PPP1R12A: variants seen among roughly 807,000 people sequenced by gnomAD.
The protein encoded by PPP1R12A is myosin binding subunit.
Under a neutral mutation model 139.6 loss-of-function variants are expected in PPP1R12A, and 19 were observed. That is an observed-to-expected ratio of 0.14 (90% CI 0.09 to 0.20). The LOEUF is 0.20. PPP1R12A is among the 10% of genes least tolerant of loss of function. The pLI is 1.00. For missense variants in PPP1R12A, 925 were observed against 1,211.5 expected, an observed-to-expected ratio of 0.76 and a Z score of 3.51; for synonymous variants, 427 against 420.6, an observed-to-expected ratio of 1.02 and a Z score of -0.19.
At chr12:79,850,699 G>A (rs1032077145) in intron 2 of PPP1R12A, among the ~76,000 whole-genome samples, 1 of 152,118 alleles carries the variant, frequency 6.6e-6, no homozygotes, top group Non-Finnish European at 1.5e-5. Context: ...TGCAGCTGGG[G>A]CCTGGTGGGA....
At position 79,894,121 on chromosome 12, in the gene PPP1R12A, A is replaced by C. The variant is rs1414216736; in HGVS notation, c.238-21183T>G. Among the ~76,000 whole-genome samples the C allele has an allele frequency of 2.6e-5, 4 of 152,312 alleles. No homozygotes were observed. In the East Asian group the frequency reaches 7.7e-4, roughly 29 times the overall value. ...CTAACCCCTCTCTACCTTTATAGTG[A>C]CATAACATAATGAGACTGCTTTTAA... is the stretch of plus-strand genomic sequence containing the variant. On this transcript the variant is annotated intron_variant, in intron 1 of 24. Coordinates refer to ENST00000450142, the MANE Select transcript of PPP1R12A (RefSeq NM_002480.3).
chr12:79,810,372 T>A (rs1565752350), intron 9 of PPP1R12A, among the ~76,000 whole-genome samples: 1 of 152,182 alleles, frequency 6.6e-6, no homozygotes, highest in Admixed American at 6.5e-5. Flanking sequence ...TAATATAAAT[T>A]CTTGCACATA....
chr12:79,925,407 C>A (rs1332303160), intron 1 of PPP1R12A, among the ~76,000 whole-genome samples: 1 of 152,088 alleles, frequency 6.6e-6, no homozygotes, highest in Non-Finnish European at 1.5e-5. Context: ...GAGCTTTGTA[C>A]AATCTTATGA....
chr12:79,875,991 C>G (rs1883064720), intron 1 of PPP1R12A, among the ~76,000 whole-genome samples: 1 of 152,136 alleles, frequency 6.6e-6, no homozygotes, highest in African/African-American at 2.4e-5. Context: ...AACAAAAGAG[C>G]TTCTTAAATG....
chr12:79,864,701 C>T (rs1365676917), intron 2 of PPP1R12A, among the ~76,000 whole-genome samples: 1 of 152,128 alleles, frequency 6.6e-6, no homozygotes, highest in African/African-American at 2.4e-5. Flanking sequence ...CACTTCTATG[C>T]AAATAAACTA....
At chr12:79,795,788 T>G in intron 17 of PPP1R12A, 29 bp from the exon 18 acceptor site, 1 of 1,594,094 alleles carries the variant, frequency 6.3e-7, no homozygotes, top group Non-Finnish European at 8.5e-7. Flanking sequence ...AACCACAATA[T>G]AGCAATATAT....
chr12:79,887,258 T>C (rs1318829126), intron 1 of PPP1R12A, among the ~76,000 whole-genome samples: 1 of 152,174 alleles, frequency 6.6e-6, no homozygotes, highest in Non-Finnish European at 1.5e-5. Context: ...CTGTATTAAG[T>C]ACTGTGTAAG....
chr12:79,849,938 C>T, intron 2 of PPP1R12A, among the ~76,000 whole-genome samples: 1 of 151,956 alleles, frequency 6.6e-6, no homozygotes, highest in East Asian at 1.9e-4. Flanking sequence ...TCCTAACTGC[C>T]TCGGCCTCCC....
chr12:79,883,504 G>A (rs1356442038), intron 1 of PPP1R12A, among the ~76,000 whole-genome samples: 1 of 152,104 alleles, frequency 6.6e-6, no homozygotes, highest in Non-Finnish European at 1.5e-5. Flanking sequence ...GAGTTAAGAT[G>A]CAGGAAGAAG....
rs1491223889 is a variant in PPP1R12A at position 79,890,889 on chromosome 12, ACC to A, written c.238-17953_238-17952del. ...GAAACCTCAAGAATACACACACACC[ACC>A]CACCCACACCCACCCACACACACAC... On this transcript the variant is annotated intron_variant, in intron 1 of 24. Coordinates refer to ENST00000450142, the MANE Select transcript of PPP1R12A (RefSeq NM_002480.3). Among the ~76,000 whole-genome samples, 297 of 92,562 alleles carry A rather than the reference ACC, an allele frequency of 3.2e-3. 1 individual carries two copies. Among genetic ancestry groups the A allele is most frequent in the South Asian group, 0.017 (47 of 2,738 alleles). The allele number at this position is 92,562 out of a possible 152,430, so 60.7% of individuals were successfully genotyped here. A position where few individuals can be genotyped will look rare whatever the true frequency, so the allele number is the denominator to read the frequency against.
At chr12:79,932,169 A>G (rs571823502) in intron 1 of PPP1R12A, among the ~76,000 whole-genome samples, 4 of 152,340 alleles carry the variant, frequency 2.6e-5, no homozygotes, top group Admixed American at 2.6e-4. Flanking sequence ...TTGAGAGGTT[A>G]AAGTTTTAAA....
intron 11 of PPP1R12A, 83 bp from the exon 12 acceptor site, chr12:79,807,413 A>G: frequency 1.2e-6 from 1 of 821,422 alleles, no homozygotes; most frequent in South Asian, 1.6e-5. Context: ...ATATTAGTAT[A>G]AGCTGAAACT....
chr12:79,804,763 G>A (rs1169595028), intron 14 of PPP1R12A, among the ~76,000 whole-genome samples: 1 of 151,804 alleles, frequency 6.6e-6, no homozygotes, highest in East Asian at 1.9e-4. Flanking sequence ...AAAAGCTAGG[G>A]ACTATGCATA....
Position 79,913,420 on chromosome 12 carries a change from G to C in PPP1R12A, c.237+21275C>G, listed in dbSNP as rs566667545. Among the ~76,000 whole-genome samples, 28 of 152,266 alleles carry C rather than the reference G, an allele frequency of 1.8e-4. No individual in the cohort carries two copies. The South Asian group carries it at 2.7e-3, about 15-fold the overall frequency. Reference sequence around the variant, plus strand: ...TGAAGATGAACTTTTTCCCCATATAGACAGGTTGACAAGACTCTCTTTTCC... The same window carrying C: ...TGAAGATGAACTTTTTCCCCATATACACAGGTTGACAAGACTCTCTTTTCC... On this transcript the variant is annotated intron_variant, in intron 1 of 24. Coordinates refer to ENST00000450142, the MANE Select transcript of PPP1R12A (RefSeq NM_002480.3).
At chr12:79,835,903 T>C (rs1380387215) in intron 3 of PPP1R12A, among the ~76,000 whole-genome samples, 1 of 152,228 alleles carries the variant, frequency 6.6e-6, no homozygotes, top group African/African-American at 2.4e-5. Flanking sequence ...TTATTTTGCC[T>C]GCTTATTAGC....
At chr12:79,892,471 C>T (rs1884744830) in intron 1 of PPP1R12A, among the ~76,000 whole-genome samples, 2 of 152,000 alleles carry the variant, frequency 1.3e-5, no homozygotes, top group East Asian at 1.9e-4. Flanking sequence ...TTTGAGGAGA[C>T]AGGGCAAATG....
chr12:79,890,818 CT>C (rs1463541648), intron 1 of PPP1R12A, among the ~76,000 whole-genome samples: 1 of 151,558 alleles, frequency 6.6e-6, no homozygotes, highest in Non-Finnish European at 1.5e-5. Flanking sequence ...AATATTAACT[CT>C]CTAATCTCAA....
rs1158015601 is a variant in PPP1R12A, at chr12:79,797,403, C to T, written c.2092-8G>A. The T allele has an allele frequency of 1.9e-6, 3 of 1,572,094 alleles. No individual in the cohort carries two copies. Among genetic ancestry groups the T allele is most frequent in the Non-Finnish European group, 2.6e-6 (3 of 1,163,500 alleles). On this transcript the variant is annotated splice_polypyrimidine_tract_variant and splice_region_variant and intron_variant, in intron 15 of 24. Coordinates refer to ENST00000450142, the MANE Select transcript of PPP1R12A (RefSeq NM_002480.3). ...ATCAGTTAATGTCACTCCCTGCACA[C>T]ACAAAAAGATCAATATAATTATGAG...
chr12:79,904,588 T>A (rs1454357330), intron 1 of PPP1R12A, among the ~76,000 whole-genome samples: 1 of 152,188 alleles, frequency 6.6e-6, no homozygotes, highest in Non-Finnish European at 1.5e-5. Context: ...GACTCTTATA[T>A]AAACAGCATA....
Sources: gnomAD v4.1 joint callset for allele counts (sites outside exome capture counted in the v4.1 genomes callset) on GRCh38, gnomAD v4.1.1 for gene constraint, MANE v1.5 for transcripts, NCBI Gene and HGNC (gene_info 2026-07-23, HGNC 2026-07-21) for gene names.